Variants in ASIC2 observed in about 807,000 individuals in gnomAD.
ASIC2 encodes the protein acid-sensing ion channel 2.
ASIC2 carries 25 observed loss-of-function variants against 57.3 expected under a neutral mutation model. That is an observed-to-expected ratio of 0.44 (90% CI 0.32 to 0.61). ASIC2 has a LOEUF of 0.61. Ranked by LOEUF, ASIC2 falls within the 20% of genes least tolerant of loss-of-function variation. The pLI, the probability that ASIC2 is intolerant of heterozygous loss-of-function variation, is 0.06. For missense variants in ASIC2, 641 were observed against 738.1 expected, an observed-to-expected ratio of 0.87 and a Z score of 1.52; for synonymous variants, 319 against 307.5, an observed-to-expected ratio of 1.04 and a Z score of -0.39.
At chr17:34,113,639 C>G (rs189606801) in intron 1 of ASIC2, among the ~76,000 whole-genome samples, 4 of 150,622 alleles carry the variant, frequency 2.7e-5, no homozygotes, top group Non-Finnish European at 4.4e-5. Flanking sequence ...ACACTTTAGG[C>G]GGCCAAGGCA....
chr17:33,625,959 G>A (rs1373547017), intron 1 of ASIC2, among the ~76,000 whole-genome samples: 1 of 152,230 alleles, frequency 6.6e-6, no homozygotes, highest in African/African-American at 2.4e-5. Context: ...GCATTGGTAG[G>A]AATTCCAGGG....
intron 7 of ASIC2, among the ~76,000 whole-genome samples, chr17:33,017,983 G>A (rs540412631): frequency 1.3e-5 from 2 of 152,324 alleles, no homozygotes; most frequent in East Asian, 1.9e-4. Flanking sequence ...AAACCACACC[G>A]ATTGGGTCCT....
chr17:33,774,152 C>T lies in ASIC2; in HGVS notation c.555+381826G>A, dbSNP rs148895226. On this transcript the variant is annotated intron_variant, in intron 1 of 9. Transcript: ENST00000359872. Reference sequence around the variant, plus strand: ...TCCCAAGCTCATATTTCTTCCCCTGCATCAGGAGTTAGGAAATCTGCTCCC... The same window carrying T: ...TCCCAAGCTCATATTTCTTCCCCTGTATCAGGAGTTAGGAAATCTGCTCCC... Among the ~76,000 whole-genome samples, 1,176 of 152,312 alleles carry T rather than the reference C, an allele frequency of 7.7e-3. 16 individuals are homozygous for T. The highest frequency in any genetic ancestry group is 0.026 in the African/African-American group (1,099 of 41,558).
At chr17:33,305,598 C>T (rs889737860) in intron 1 of ASIC2, among the ~76,000 whole-genome samples, 7 of 152,180 alleles carry the variant, frequency 4.6e-5, no homozygotes, top group African/African-American at 1.7e-4. Flanking sequence ...GCAAACTCCA[C>T]ACATTTCAAA....
chr17:33,342,808 A>T (rs979322201), intron 1 of ASIC2, among the ~76,000 whole-genome samples: 9 of 152,070 alleles, frequency 5.9e-5, no homozygotes, highest in Non-Finnish European at 1.2e-4. Context: ...CTCCTCATTC[A>T]TTCCAGATTG....
chr17:33,659,989 CAGG>C (rs1215910296), intron 1 of ASIC2, among the ~76,000 whole-genome samples: 1 of 151,934 alleles, frequency 6.6e-6, no homozygotes, highest in African/African-American at 2.4e-5. Flanking sequence ...GAGGCTGAGG[CAGG>C]AGGATTGCTT....
At chr17:33,644,714 G>C (rs1734711387) in intron 1 of ASIC2, among the ~76,000 whole-genome samples, 1 of 152,182 alleles carries the variant, frequency 6.6e-6, no homozygotes, top group Admixed American at 6.5e-5. Flanking sequence ...TTTAAAAAAT[G>C]TTAAGTAAAT....
chr17:33,478,414 C>G (rs1017505837), intron 1 of ASIC2, among the ~76,000 whole-genome samples: 14 of 152,236 alleles, frequency 9.2e-5, no homozygotes, highest in African/African-American at 3.4e-4. Flanking sequence ...GCACAGAGGT[C>G]TCCCCAACTG....
At chr17:33,276,963 ACTTGTACATCCTTG>A (rs1012270320) in intron 1 of ASIC2, among the ~76,000 whole-genome samples, 1 of 152,100 alleles carries the variant, frequency 6.6e-6, no homozygotes, top group African/African-American at 2.4e-5. Context: ...TTGCCTCCAG[ACTTGTACATCCTTG>A]CTACATATAA....
intron 1 of ASIC2, among the ~76,000 whole-genome samples, chr17:34,123,975 G>C (rs1004766100): frequency 6.6e-6 from 1 of 152,098 alleles, no homozygotes; most frequent in East Asian, 1.9e-4. Context: ...CCAGTTACTC[G>C]AGAGGCTGAC....
chr17:34,110,409 C>T (rs1321155724), intron 1 of ASIC2, among the ~76,000 whole-genome samples: 2 of 152,186 alleles, frequency 1.3e-5, no homozygotes, highest in East Asian at 3.9e-4. Context: ...AGCTCTTCCT[C>T]GCCCTCTCTC....
intron 1 of ASIC2, among the ~76,000 whole-genome samples, chr17:33,799,645 G>A (rs1416126055): frequency 6.6e-6 from 1 of 151,326 alleles, no homozygotes; most frequent in Non-Finnish European, 1.5e-5. Context: ...GGGCATATGA[G>A]ATAATGTAGT....
chr17:33,541,005 C>T (rs1045508253), intron 1 of ASIC2, among the ~76,000 whole-genome samples: 1 of 152,058 alleles, frequency 6.6e-6, no homozygotes, highest in Non-Finnish European at 1.5e-5. Context: ...TCATTACATT[C>T]GCCCAGACTC....
At chr17:33,911,835 A>C (rs1244814646) in intron 1 of ASIC2, among the ~76,000 whole-genome samples, 1 of 152,118 alleles carries the variant, frequency 6.6e-6, no homozygotes, top group Non-Finnish European at 1.5e-5. Context: ...AAAGCAGTGG[A>C]TCGGCTGGGC....
intron 1 of ASIC2, among the ~76,000 whole-genome samples, chr17:33,858,102 C>CT (rs1232728817): frequency 6.6e-6 from 1 of 152,192 alleles, no homozygotes; most frequent in Non-Finnish European, 1.5e-5. Flanking sequence ...GGTGGAGACT[C>CT]TCCTCTGTCT....
At chr17:33,746,486 A>C (rs1250751017) in intron 1 of ASIC2, among the ~76,000 whole-genome samples, 1 of 151,164 alleles carries the variant, frequency 6.6e-6, no homozygotes, top group Non-Finnish European at 1.5e-5. Context: ...GTATATCTAC[A>C]TATATGTATA....
At chr17:34,073,089 C>A (rs1420765831) in intron 1 of ASIC2, among the ~76,000 whole-genome samples, 1 of 151,952 alleles carries the variant, frequency 6.6e-6, no homozygotes. Context: ...CCGCAAAGTT[C>A]CATGGAGTAA....
chr17:33,447,577 T>C (rs1386046160), intron 1 of ASIC2, among the ~76,000 whole-genome samples: 2 of 152,186 alleles, frequency 1.3e-5, no homozygotes, highest in Non-Finnish European at 2.9e-5. Flanking sequence ...TGTGAAAGTG[T>C]AAAGCAGGAT....
intron 1 of ASIC2, among the ~76,000 whole-genome samples, chr17:34,096,306 A>T (rs955690517): frequency 2.0e-5 from 3 of 152,206 alleles, no homozygotes; most frequent in Non-Finnish European, 1.5e-5. Flanking sequence ...GACATCAGGT[A>T]TAGCATGAGT....
Sources: allele counts gnomAD v4.1 joint callset (sites outside exome capture counted in the v4.1 genomes callset), GRCh38; gene constraint gnomAD v4.1.1; transcripts MANE v1.5; gene names NCBI Gene and HGNC (gene_info 2026-07-23, HGNC 2026-07-21).